AGAP1: variants seen among roughly 807,000 people sequenced by gnomAD.
AGAP1 encodes the protein arf-GAP with GTPase, ANK repeat and PH domain-containing protein 1.
AGAP1 carries 29 observed loss-of-function variants against 105.3 expected under a neutral mutation model. That is an observed-to-expected ratio of 0.28 (90% CI 0.21 to 0.38). The LOEUF (loss-of-function observed/expected upper bound fraction) is 0.38, where lower values mean the gene tolerates loss of function less well. Among genes scored for constraint, AGAP1 ranks in the 10% least tolerant of loss-of-function variants. The pLI, the probability that AGAP1 is intolerant of heterozygous loss-of-function variation, is 1.00. For synonymous variants in AGAP1, 509 were observed against 485.9 expected (o/e 1.05, Z -0.63); for missense variants, 998 against 1,165.1 (o/e 0.86, Z 2.09).
intron 16 of AGAP1, among the ~76,000 whole-genome samples, chr2:236,091,333 A>T (rs1482126436): frequency 1.3e-5 from 2 of 152,172 alleles, no homozygotes; most frequent in African/African-American, 4.8e-5. Context: ...TTCCTTTTTC[A>T]TAATGGAATT....
intron 1 of AGAP1, among the ~76,000 whole-genome samples, chr2:235,505,313 C>T (rs1045686363): frequency 6.6e-6 from 1 of 152,164 alleles, no homozygotes; most frequent in Non-Finnish European, 1.5e-5. Context: ...GCTGCCCATC[C>T]CCCTCCACAA....
At chr2:235,780,550 G>A (rs1036199294) in intron 6 of AGAP1, among the ~76,000 whole-genome samples, 4 of 152,026 alleles carry the variant, frequency 2.6e-5, no homozygotes, top group African/African-American at 7.2e-5. Flanking sequence ...AGAGTTGCTC[G>A]GCCAAGTAAT....
Position 235,741,975 on chromosome 2 carries a change from G to A in AGAP1, c.396+927G>A, listed in dbSNP as rs1054135083. ...TCACCATGTTAGCCAGGATGGTCTC[G>A]ATCTCCTGACCTCGTGATCCACTCA... On this transcript the variant is annotated intron_variant, in intron 4 of 17. Transcript: ENST00000304032. The surrounding 1 kb of genome is among the most constrained non-coding windows in gnomAD (Gnocchi z 4.9). Among the ~76,000 whole-genome samples, 5 of 152,050 alleles carry A rather than the reference G, an allele frequency of 3.3e-5. No individual in the cohort carries two copies. Among genetic ancestry groups the A allele is most frequent in the Admixed American group, 1.3e-4 (2 of 15,260 alleles).
At chr2:235,945,292 G>C (rs913273595) in intron 12 of AGAP1, among the ~76,000 whole-genome samples, 16 of 147,818 alleles carry the variant, frequency 1.1e-4, no homozygotes, top group East Asian at 4.0e-4. Flanking sequence ...AGTAGAGTTG[G>C]GGGGGGGTTC....
intron 8 of AGAP1, among the ~76,000 whole-genome samples, chr2:235,800,216 A>G (rs1298925253): frequency 6.7e-6 from 1 of 149,090 alleles, no homozygotes; most frequent in Non-Finnish European, 1.5e-5. Flanking sequence ...CTCCCACTTC[A>G]GCCTTCTAAG....
Position 235,596,352 on chromosome 2 carries a change from A to G in AGAP1, c.163+101503A>G, listed in dbSNP as rs1028457646. Among the ~76,000 whole-genome samples, 6 of 152,218 alleles carry G rather than the reference A, an allele frequency of 3.9e-5. No homozygotes were observed. The highest frequency in any genetic ancestry group is 1.4e-4 in the African/African-American group (6 of 41,452). ...AAATAGAGTCTCAGACTGGAGCCCC[A>G]AGGACCTTGAGGACAGGAGTCTACC... On this transcript the variant is annotated intron_variant, in intron 1 of 17. Transcript: ENST00000304032. This position sits in a 1 kb window ranked among gnomAD's most constrained non-coding sequence, Gnocchi z 5.9.
chr2:235,674,811 C>T (rs939321126), intron 1 of AGAP1, among the ~76,000 whole-genome samples: 2 of 151,548 alleles, frequency 1.3e-5, no homozygotes, highest in Non-Finnish European at 2.9e-5. Flanking sequence ...CCCTCAGCCT[C>T]CCCAGTAGCT....
In AGAP1 at chr2:235,959,508, C is replaced by T. The variant is rs1411981263; in HGVS notation, c.1484-8954C>T. ...GCTCAGCGCCCAGTGGACGGGAACC[C>T]GGTCCTTCTTGCCATGAGAACACCC... On this transcript the variant is annotated intron_variant, in intron 12 of 17. Transcript: ENST00000304032. The surrounding 1 kb of genome is among the most constrained non-coding windows in gnomAD (Gnocchi z 7.3). 6.6e-6 allele frequency among the ~76,000 whole-genome samples: 1 copy of T among 152,146 alleles called. No homozygotes were observed. The highest frequency in any genetic ancestry group is 1.5e-5 in the Non-Finnish European group (1 of 68,040).
chr2:236,006,637 G>A (rs1220104808), intron 13 of AGAP1, among the ~76,000 whole-genome samples: 1 of 152,146 alleles, frequency 6.6e-6, no homozygotes, highest in Non-Finnish European at 1.5e-5. Flanking sequence ...GGACAGGTTG[G>A]AAAACTGTGG....
chr2:235,525,126 C>T (rs114132763), intron 1 of AGAP1, among the ~76,000 whole-genome samples: 2,975 of 152,266 alleles, frequency 0.02, 54 homozygotes, highest in Admixed American at 0.029. Context: ...TTTTTTGGGG[C>T]AGTAACTGTT....
rs1177087354 is a variant in AGAP1, at chr2:236,002,796, TATAA to T, written c.1646-33761_1646-33758del. 3.3e-5 allele frequency among the ~76,000 whole-genome samples: 5 copies of T among 152,164 alleles called. No homozygotes were observed. The highest frequency in any genetic ancestry group is 1.2e-4 in the African/African-American group (5 of 41,446). On this transcript the variant is annotated intron_variant, in intron 13 of 17. Coordinates refer to ENST00000304032, the MANE Select transcript of AGAP1 (RefSeq NM_001037131.3). The surrounding 1 kb of genome is among the most constrained non-coding windows in gnomAD (Gnocchi z 4.3). ...CAATTCATTATTAGATTTCTATAAA[TATAA>T]ATATTTATATGATATTTCTTGCGTT... is the stretch of plus-strand genomic sequence containing the variant.
Position 235,917,994 on chromosome 2 carries a change from T to A in AGAP1, c.1324+9088T>A, listed in dbSNP as rs531565522. ...TGTCTCATGGAAAGAAAGTTTTTCT[T>A]TGTTTAGTTTCAAACGGTCTAGAAA... is the stretch of plus-strand genomic sequence containing the variant. On this transcript the variant is annotated intron_variant, in intron 11 of 17. Transcript: ENST00000304032. 1.3e-3 allele frequency among the ~76,000 whole-genome samples: 196 copies of A among 152,368 alleles called. 2 individuals carry two copies. Among genetic ancestry groups the A allele is most frequent in the African/African-American group, 4.3e-3 (179 of 41,588 alleles).
rs554448867 is a variant in AGAP1, at chr2:236,087,601, G to C, written c.2115-32591G>C. The stretch of plus-strand genomic sequence containing the variant: ...CTGACTAGTTTGATGTTCTGAATCA[G>C]GCCCCTTGGTTAAGCGTGATAACAT... On this transcript the variant is annotated intron_variant, in intron 16 of 17. Transcript: ENST00000304032. This position sits in a 1 kb window ranked among gnomAD's most constrained non-coding sequence, Gnocchi z 5.7. Among the ~76,000 whole-genome samples, 12 of 152,276 alleles carry C rather than the reference G, an allele frequency of 7.9e-5. No individual in the cohort carries two copies. The highest frequency in any genetic ancestry group is 1.8e-4 in the Non-Finnish European group (12 of 68,032).
At chr2:235,674,467 A>C (rs1948615011) in intron 1 of AGAP1, among the ~76,000 whole-genome samples, 2 of 152,224 alleles carry the variant, frequency 1.3e-5, no homozygotes, top group African/African-American at 2.4e-5. Context: ...AGTGAAGCCC[A>C]CACTGGCTAT....
intron 9 of AGAP1, among the ~76,000 whole-genome samples, chr2:235,815,893 C>G (rs957639294): frequency 6.6e-6 from 1 of 152,168 alleles, no homozygotes; most frequent in Non-Finnish European, 1.5e-5. Flanking sequence ...CTTTCAGTCC[C>G]GTCCATGGGA....
At chr2:235,818,000 T>TTCAA (rs1958557156) in intron 9 of AGAP1, among the ~76,000 whole-genome samples, 1 of 152,232 alleles carries the variant, frequency 6.6e-6, no homozygotes, top group Admixed American at 6.5e-5. Context: ...ACAGAAACAT[T>TTCAA]TCAAAATACT....
rs1304411781 is a variant in AGAP1 at position 235,772,587 on chromosome 2, T to C, written c.673+22099T>C. Among the ~76,000 whole-genome samples the C allele has an allele frequency of 3.5e-4, 54 of 152,224 alleles. 1 individual carries two copies. The highest frequency in any genetic ancestry group is 3.5e-3 in the Admixed American group (54 of 15,288). On this transcript the variant is annotated intron_variant, in intron 6 of 17. Transcript: ENST00000304032. ...GTGCTTCAGCATCTCACTTAGTCAG[T>C]TGACCCAGCTGTGAAATGGATCTGC...
At chr2:235,876,892 G>A (rs1303254223) in intron 9 of AGAP1, among the ~76,000 whole-genome samples, 1 of 144,744 alleles carries the variant, frequency 6.9e-6, no homozygotes, top group Non-Finnish European at 1.5e-5. Flanking sequence ...TTGTTGCCCA[G>A]TCTGGAGTGC....
At chr2:235,495,615 C>T (rs556666559) in intron 1 of AGAP1, among the ~76,000 whole-genome samples, 1 of 152,380 alleles carries the variant, frequency 6.6e-6, no homozygotes, top group Non-Finnish European at 1.5e-5. Context: ...ACCCGCTTCC[C>T]TCTGCATGTC....
Sources: allele counts gnomAD v4.1 joint callset (sites outside exome capture counted in the v4.1 genomes callset), GRCh38; gene constraint gnomAD v4.1.1; non-coding constraint Gnocchi (gnomAD v3.1); transcripts MANE v1.5; gene names NCBI Gene and HGNC (gene_info 2026-07-23, HGNC 2026-07-21).